Variants in LMX1A observed in about 807,000 individuals in gnomAD.
LMX1A encodes the protein LIM homeobox transcription factor 1-alpha.
In LMX1A, 15 loss-of-function variants were observed where a neutral mutation model predicts 49.1. The observed-to-expected ratio is 0.31, with a 90% CI of 0.20 to 0.47. LMX1A has a LOEUF of 0.47. LMX1A is among the 20% of genes least tolerant of loss of function. The pLI is 1.00. For missense variants in LMX1A, 372 were observed against 475.8 expected, an observed-to-expected ratio of 0.78 and a Z score of 2.03; for synonymous variants, 167 against 185.7, an observed-to-expected ratio of 0.90 and a Z score of 0.82.
chr1:165,267,580 G>A (rs1163688515), intron 3 of LMX1A, among the ~76,000 whole-genome samples: 2 of 152,132 alleles, frequency 1.3e-5, no homozygotes, highest in Non-Finnish European at 1.5e-5. Flanking sequence ...CTGCTGTGTT[G>A]AGAGATACTT....
At chr1:165,346,337 G>A (rs1489917864) in intron 3 of LMX1A, among the ~76,000 whole-genome samples, 1 of 152,222 alleles carries the variant, frequency 6.6e-6, no homozygotes, top group Non-Finnish European at 1.5e-5. Context: ...ATCTTGAAAG[G>A]CTGGAAGAGA....
intron 3 of LMX1A, among the ~76,000 whole-genome samples, chr1:165,267,985 G>A (rs145965780): frequency 3.3e-4 from 51 of 152,276 alleles, no homozygotes; most frequent in African/African-American, 1.1e-3. Context: ...TTTAATGAGA[G>A]TAATTACAGA....
chr1:165,310,519 C>T (rs1337941455), intron 3 of LMX1A, among the ~76,000 whole-genome samples: 1 of 152,200 alleles, frequency 6.6e-6, no homozygotes, highest in Non-Finnish European at 1.5e-5. Flanking sequence ...CATAGCTAGC[C>T]ATCATTATAC....
At chr1:165,208,032 C>T (rs1321919168) in intron 7 of LMX1A, 31 bp downstream of exon 7, 1 of 1,605,832 alleles carries the variant, frequency 6.2e-7, no homozygotes, top group Non-Finnish European at 8.5e-7. Flanking sequence ...GGATTCCAGC[C>T]AGAACTGCCT....
chr1:165,235,916 C>A (rs1471552728), intron 4 of LMX1A, among the ~76,000 whole-genome samples: 1 of 152,144 alleles, frequency 6.6e-6, no homozygotes, highest in African/African-American at 2.4e-5. Context: ...GTTTCTGCGC[C>A]TGGCCTCTTG....
intron 3 of LMX1A, among the ~76,000 whole-genome samples, chr1:165,296,767 A>G (rs191521535): frequency 3.3e-4 from 51 of 152,356 alleles, no homozygotes; most frequent in South Asian, 2.9e-3. Flanking sequence ...GGCTTCCTGA[A>G]CTGGCTAATG....
chr1:165,354,220 C>T (rs1656523934), intron 2 of LMX1A, among the ~76,000 whole-genome samples: 2 of 152,190 alleles, frequency 1.3e-5, no homozygotes, highest in Admixed American at 6.5e-5. Context: ...CTCCCCATTT[C>T]CCGGCTGCAC....
At chr1:165,314,664 T>C (rs544796298) in intron 3 of LMX1A, among the ~76,000 whole-genome samples, 131 of 152,222 alleles carry the variant, frequency 8.6e-4, no homozygotes, top group African/African-American at 3.1e-3. Context: ...CTTTTTTTAG[T>C]CTCTCAGGGC....
At chr1:165,241,828 T>C (rs1652666695) in intron 4 of LMX1A, among the ~76,000 whole-genome samples, 1 of 152,030 alleles carries the variant, frequency 6.6e-6, no homozygotes, top group Non-Finnish European at 1.5e-5. Flanking sequence ...TCCAAGGTTG[T>C]AGAAGGAAAT....
At chr1:165,237,153 A>T (rs967339157) in intron 4 of LMX1A, among the ~76,000 whole-genome samples, 15 of 152,216 alleles carry the variant, frequency 9.9e-5, no homozygotes, top group African/African-American at 2.9e-4. Context: ...GATGGAACAG[A>T]TGCTGAGTTA....
intron 3 of LMX1A, among the ~76,000 whole-genome samples, chr1:165,268,463 G>A (rs778443723): frequency 2.6e-5 from 4 of 152,202 alleles, no homozygotes; most frequent in African/African-American, 4.8e-5. Context: ...CATGCATAAC[G>A]TTGAGGCCTT....
intron 6 of LMX1A, among the ~76,000 whole-genome samples, chr1:165,210,042 G>A: frequency 6.6e-6 from 1 of 152,356 alleles, no homozygotes; most frequent in Admixed American, 6.5e-5. Flanking sequence ...TGTCACAGAA[G>A]CATTCTGCGC....
At chr1:165,343,419 TA>T (rs1431074844) in intron 3 of LMX1A, among the ~76,000 whole-genome samples, 2 of 61,574 alleles carry the variant, frequency 3.2e-5, no homozygotes, top group African/African-American at 9.4e-5. Flanking sequence ...ATAATAATAA[TA>T]ATAATAATAA....
At position 165,355,495 on chromosome 1, in the gene LMX1A, GAGA is replaced by G. The variant is rs745608131; in HGVS notation, c.62_64del (p.Phe21del). Reference sequence around the variant, plus strand: ...GCCTGAACACTCACCCAGCAGCGAGGAGAAGGAGGCCGAGGTGTCGATCGCGCT... The same window carrying G: ...GCCTGAACACTCACCCAGCAGCGAGGAGGAGGCCGAGGTGTCGATCGCGCT... On this transcript the variant is annotated inframe_deletion, in exon 2 of 9. Coordinates refer to ENST00000342310, the MANE Select transcript of LMX1A (RefSeq NM_177398.4). This position sits in a 1 kb window ranked among gnomAD's most constrained non-coding sequence, Gnocchi z 4.7. The G allele has an allele frequency of 1.9e-6, 3 of 1,614,026 alleles. No homozygotes were observed. The highest frequency in any genetic ancestry group is 1.3e-5 in the African/African-American group (1 of 75,044).
chr1:165,307,524 A>G (rs1654953920), intron 3 of LMX1A, among the ~76,000 whole-genome samples: 1 of 152,242 alleles, frequency 6.6e-6, no homozygotes, highest in Non-Finnish European at 1.5e-5. Flanking sequence ...GAAGAAGAGC[A>G]TCAGGATCCC....
chr1:165,208,158 A>G (rs1206136899), intron 6 of LMX1A, 26 bp from the exon 7 acceptor site: 2 of 1,610,500 alleles, frequency 1.2e-6, no homozygotes, highest in South Asian at 1.1e-5. Flanking sequence ...CCATAGGATT[A>G]GAAGTCAGGT....
chr1:165,353,324 G>C, intron 2 of LMX1A, 62 bp from the exon 3 acceptor site: 1 of 1,385,232 alleles, frequency 7.2e-7, no homozygotes, highest in Non-Finnish European at 9.9e-7. Context: ...GCCAAACCTG[G>C]CCGGGACCCG....
chr1:165,301,314 G>A (rs995495015), intron 3 of LMX1A, among the ~76,000 whole-genome samples: 6 of 152,178 alleles, frequency 3.9e-5, no homozygotes, highest in East Asian at 1.9e-4. Context: ...GCCCCCCATC[G>A]CTGCACAACG....
At chr1:165,268,176 T>G (rs1653685495) in intron 3 of LMX1A, among the ~76,000 whole-genome samples, 1 of 152,170 alleles carries the variant, frequency 6.6e-6, no homozygotes, top group Admixed American at 6.5e-5. Context: ...CTAGATGCTC[T>G]AGGCAGAATT....
Sources: allele counts gnomAD v4.1 joint callset (sites outside exome capture counted in the v4.1 genomes callset), GRCh38; gene constraint gnomAD v4.1.1; non-coding constraint Gnocchi (gnomAD v3.1); transcripts MANE v1.5; gene names NCBI Gene and HGNC (gene_info 2026-07-23, HGNC 2026-07-21).